The following SHANK2 variants were observed in gnomAD, a reference collection of about 807,000 sequenced individuals.
SHANK2 encodes the protein SH3 and multiple ankyrin repeat domains protein 2.
A neutral mutation model predicts 133.7 loss-of-function variants in SHANK2; 43 were observed. The ratio of observed to expected loss-of-function variants is 0.32; its 90% CI spans 0.25 to 0.41. The LOEUF is 0.41. SHANK2 is among the 10% of genes least tolerant of loss of function. The pLI, the probability that SHANK2 is intolerant of heterozygous loss-of-function variation, is 1.00. For synonymous variants in SHANK2, 1,017 were observed against 952.8 expected, an observed-to-expected ratio of 1.07 and a Z score of -1.24; for missense variants, 1,994 against 2,235.8, an observed-to-expected ratio of 0.89 and a Z score of 2.18.
intron 17 of SHANK2, among the ~76,000 whole-genome samples, chr11:70,549,071 C>G (rs1210581440): frequency 1.3e-5 from 2 of 152,178 alleles, no homozygotes; most frequent in South Asian, 4.2e-4. Context: ...CTCTGTTGTT[C>G]TAGCCACAGG....
chr11:70,569,672 C>A lies in SHANK2; in HGVS notation c.2062-66741G>T, dbSNP rs113329525. On this transcript the variant is annotated intron_variant, in intron 17 of 25. Coordinates refer to ENST00000601538, the MANE Select transcript of SHANK2 (RefSeq NM_012309.5). This position sits in a 1 kb window ranked among gnomAD's most constrained non-coding sequence, Gnocchi z 5.1. ...CTGGCCAATCAGGGGTTCCCGTTTC[C>A]CAGGCCACAGTGATTGGTTGAGGGA... Among the ~76,000 whole-genome samples the A allele has an allele frequency of 2.8e-3, 428 of 152,186 alleles. 4 individuals are homozygous for A. Among genetic ancestry groups the A allele is most frequent in the Middle Eastern group, 0.01 (3 of 294 alleles).
intron 17 of SHANK2, among the ~76,000 whole-genome samples, chr11:70,657,139 T>C (rs2061414946): frequency 6.6e-6 from 1 of 152,218 alleles, no homozygotes; most frequent in South Asian, 2.1e-4. Context: ...TTCGAGGTTC[T>C]TTCAAAATAG....
chr11:71,229,248 C>A (rs1166393623), intron 1 of SHANK2, among the ~76,000 whole-genome samples: 2 of 151,952 alleles, frequency 1.3e-5, no homozygotes, highest in African/African-American at 4.8e-5. Flanking sequence ...GGCAAAAAAA[C>A]AAACAAACAA....
At chr11:70,692,382 C>A (rs1473029094) in intron 15 of SHANK2, among the ~76,000 whole-genome samples, 1 of 152,176 alleles carries the variant, frequency 6.6e-6, no homozygotes, top group African/African-American at 2.4e-5. Context: ...AACACGAACA[C>A]AACTGGAGAT....
chr11:70,892,341 C>T (rs1329414488), intron 11 of SHANK2, among the ~76,000 whole-genome samples: 1 of 149,712 alleles, frequency 6.7e-6, no homozygotes, highest in Non-Finnish European at 1.5e-5. Flanking sequence ...AGAGGAGATA[C>T]CCCTCTAACT....
chr11:70,902,659 A>AC (rs1950040568), intron 10 of SHANK2, among the ~76,000 whole-genome samples: 1 of 151,980 alleles, frequency 6.6e-6, no homozygotes, highest in Non-Finnish European at 1.5e-5. Flanking sequence ...GCACCACAGG[A>AC]TTTTTTTTGT....
chr11:71,088,383 C>G (rs985960761), intron 8 of SHANK2, among the ~76,000 whole-genome samples: 2 of 152,224 alleles, frequency 1.3e-5, no homozygotes, highest in African/African-American at 4.8e-5. Flanking sequence ...CCTGAACACA[C>G]AAACAACATT....
chr11:71,097,006 C>T (rs926705335), intron 6 of SHANK2, among the ~76,000 whole-genome samples: 10 of 152,276 alleles, frequency 6.6e-5, no homozygotes, highest in East Asian at 1.9e-4. Context: ...ATAAACGCAC[C>T]GGTGGAGAAA....
intron 11 of SHANK2, chr11:70,873,210 C>A: frequency 2.3e-6 from 1 of 444,136 alleles, no homozygotes. Context: ...AGACACTAAA[C>A]AATGAGTTTT....
chr11:70,764,152 CCT>C (rs1386037344), intron 14 of SHANK2, among the ~76,000 whole-genome samples: 6 of 123,298 alleles, frequency 4.9e-5, no homozygotes, highest in East Asian at 5.8e-4. Flanking sequence ...TCTTCCTTCC[CCT>C]CTCTCTTTTG....
chr11:70,811,095 C>T (rs558151863), intron 12 of SHANK2, among the ~76,000 whole-genome samples: 11 of 152,110 alleles, frequency 7.2e-5, no homozygotes, highest in Non-Finnish European at 1.3e-4. Flanking sequence ...CCCAAGCACC[C>T]GGATAGGTTG....
chr11:71,239,549 T>C (rs997620149), intron 1 of SHANK2, among the ~76,000 whole-genome samples: 1 of 152,166 alleles, frequency 6.6e-6, no homozygotes, highest in South Asian at 2.1e-4. Flanking sequence ...AGCCTCGACC[T>C]TTCCAGGCTC....
intron 10 of SHANK2, among the ~76,000 whole-genome samples, chr11:70,926,202 G>GT (rs1458031091): frequency 6.6e-6 from 1 of 152,190 alleles, no homozygotes; most frequent in Non-Finnish European, 1.5e-5. Context: ...GAGCTCAGGA[G>GT]TTCGAGACCA....
chr11:70,844,931 TG>T (rs1555062758), intron 11 of SHANK2, among the ~76,000 whole-genome samples: 1 of 152,048 alleles, frequency 6.6e-6, no homozygotes, highest in East Asian at 1.9e-4. Context: ...CTGGGTGCAG[TG>T]GCTCACACCT....
In SHANK2 at chr11:71,097,684, C is replaced by T. The variant is rs543334072; in HGVS notation, c.593-2996G>A. On this transcript the variant is annotated intron_variant, in intron 6 of 25. Coordinates refer to ENST00000601538, the MANE Select transcript of SHANK2 (RefSeq NM_012309.5). ...GGTGAGAAGCGGGGGCTCCCGGAAG[C>T]GCAGCAGGAGGGCACTAGCCACGGC... 1.1e-3 allele frequency among the ~76,000 whole-genome samples: 166 copies of T among 151,848 alleles called. 1 individual carries two copies. The highest frequency in any genetic ancestry group is 3.8e-3 in the African/African-American group (156 of 41,332).
At chr11:71,075,033 C>T (rs1951200837) in intron 9 of SHANK2, 126 bp downstream of exon 9, 1 of 152,924 alleles carries the variant, frequency 6.5e-6, no homozygotes, top group Admixed American at 6.5e-5. Context: ...CCGCCTCAGC[C>T]TCCCAAAGTG....
At chr11:70,843,000 A>G (rs1243607164) in intron 11 of SHANK2, among the ~76,000 whole-genome samples, 3 of 152,078 alleles carry the variant, frequency 2.0e-5, no homozygotes, top group Non-Finnish European at 4.4e-5. Context: ...TGTGGCTCGC[A>G]TCTGCACAGA....
chr11:70,641,082 T>G (rs2061172848), intron 17 of SHANK2, among the ~76,000 whole-genome samples: 1 of 147,320 alleles, frequency 6.8e-6, no homozygotes, highest in African/African-American at 2.5e-5. Context: ...TTACTATGCT[T>G]TTTTTTCTTT....
chr11:71,168,781 G>C (rs1438401354), intron 2 of SHANK2, among the ~76,000 whole-genome samples: 1 of 150,572 alleles, frequency 6.6e-6, no homozygotes, highest in African/African-American at 2.4e-5. Flanking sequence ...ATCAGAGGGA[G>C]ACCGTGGAGA....
Sources: gnomAD v4.1 joint callset for allele counts (sites outside exome capture counted in the v4.1 genomes callset) on GRCh38, gnomAD v4.1.1 for gene constraint, Gnocchi (gnomAD v3.1) non-coding constraint, MANE v1.5 for transcripts, NCBI Gene and HGNC (gene_info 2026-07-23, HGNC 2026-07-21) for gene names.